The following MTTP variants were observed in gnomAD, a reference collection of about 807,000 sequenced individuals.
MTTP encodes the protein microsomal triglyceride transfer protein.
A neutral mutation model predicts 90.6 loss-of-function variants in MTTP; 49 were observed. The observed-to-expected ratio is 0.54, with a 90% CI of 0.43 to 0.69. The LOEUF is 0.69. MTTP is among the 30% of genes least tolerant of loss of function. The pLI, the probability that MTTP is intolerant of heterozygous loss-of-function variation, is 0.00. For missense variants in MTTP, 945 were observed against 1,067.5 expected, an observed-to-expected ratio of 0.89 and a Z score of 1.60; for synonymous variants, 347 against 384.2, an observed-to-expected ratio of 0.90 and a Z score of 1.13.
At chr4:99,594,162 A>C (rs1578242840) in intron 6 of MTTP, among the ~76,000 whole-genome samples, 1 of 152,306 alleles carries the variant, frequency 6.6e-6, no homozygotes. Context: ...TGTGCCAGAG[A>C]AAAGCTGAAT....
Position 99,597,225 on chromosome 4 carries a change from G to A in MTTP, c.1067+1G>A. The A allele has an allele frequency of 1.9e-6, 3 of 1,612,880 alleles. No individual in the cohort carries two copies. The highest frequency in any genetic ancestry group is 2.5e-6 in the Non-Finnish European group (3 of 1,179,648). ...TAAAGATGGAAAATAAGGAAGTATT[G>A]TAAGTTCCCCAACCTTTGTGTGGGG... On this transcript the variant is annotated splice_donor_variant, in intron 8 of 17. Transcript: ENST00000265517. LOFTEE classifies it high-confidence loss of function.
chr4:99,597,522 A>G (rs768589714), intron 8 of MTTP, among the ~76,000 whole-genome samples: 5 of 152,194 alleles, frequency 3.3e-5, no homozygotes, highest in Non-Finnish European at 2.9e-5. Context: ...TCGTCGTGAC[A>G]TCGTGGGGCA....
At chr4:99,605,869 A>ATGTG (rs111417359) in intron 10 of MTTP, among the ~76,000 whole-genome samples, 34,694 of 149,168 alleles carry the variant, frequency 0.23, 4,173 homozygotes, top group South Asian at 0.26. Flanking sequence ...AACCCCATGT[A>ATGTG]TGTGTGTGTG....
intron 1 of MTTP, 48 bp from the exon 2 acceptor site, chr4:99,581,857 A>T: frequency 6.3e-7 from 1 of 1,588,224 alleles, no homozygotes; most frequent in Non-Finnish European, 8.6e-7. Context: ...GTGAGACAGC[A>T]TGTTCCCTTA....
At chr4:99,572,261 TCTAA>T (rs575660124), upstream of MTTP, among the ~76,000 whole-genome samples, 25 of 152,178 alleles carry the variant, frequency 1.6e-4, no homozygotes, top group South Asian at 4.3e-3. Context: ...TTGATTTTGA[TCTAA>T]CTATCATAGA....
intron 1 of MTTP, among the ~76,000 whole-genome samples, chr4:99,580,749 T>C (rs1274439235): frequency 6.6e-6 from 1 of 152,142 alleles, no homozygotes; most frequent in African/African-American, 2.4e-5. Context: ...TTAATACATG[T>C]AACATGCAGA....
intron 9 of MTTP, 70 bp from the exon 10 acceptor site, chr4:99,601,537 T>G: frequency 8.4e-7 from 1 of 1,194,984 alleles, no homozygotes; most frequent in Non-Finnish European, 1.2e-6. Context: ...TGTTTATTTT[T>G]TAACTAAAAG....
intron 8 of MTTP, among the ~76,000 whole-genome samples, chr4:99,599,025 A>G (rs1725632218): frequency 6.6e-6 from 1 of 152,170 alleles, no homozygotes. Flanking sequence ...AATAGGGATA[A>G]TAATTCTTTC....
chr4:99,565,003 C>T (rs895938621), intron 1 of MTTP, among the ~76,000 whole-genome samples: 1 of 152,206 alleles, frequency 6.6e-6, no homozygotes, highest in African/African-American at 2.4e-5. Flanking sequence ...CATCTCAAAC[C>T]TAAAAGATCT....
intron 10 of MTTP, 27 bp from the exon 11 acceptor site, chr4:99,606,721 A>G (rs571255685): frequency 6.2e-7 from 1 of 1,605,444 alleles, no homozygotes; most frequent in South Asian, 1.1e-5. Context: ...ATGGTCATGC[A>G]TATATCTAAG....
chr4:99,618,592 A>T (rs1726154836), intron 15 of MTTP, among the ~76,000 whole-genome samples: 1 of 152,192 alleles, frequency 6.6e-6, no homozygotes, highest in African/African-American at 2.4e-5. Context: ...CAGAGTTTCT[A>T]ATTTAGTAGG....
chr4:99,598,344 C>T (rs1725608497), intron 8 of MTTP, among the ~76,000 whole-genome samples: 1 of 151,998 alleles, frequency 6.6e-6, no homozygotes, highest in African/African-American at 2.4e-5. Flanking sequence ...TCTCAAAGTA[C>T]ATAGGCATTG....
Position 99,590,842 on chromosome 4 carries a change from C to T in MTTP, c.502-393C>T, listed in dbSNP as rs957493823. 3.8e-3 allele frequency among the ~76,000 whole-genome samples: 336 copies of T among 89,172 alleles called. 1 individual carries two copies. Among genetic ancestry groups the T allele is most frequent in the African/African-American group, 0.017 (316 of 18,546 alleles). 58.5% of individuals were successfully genotyped at this position (89,172 alleles called of 152,430 possible). On this transcript the variant is annotated intron_variant, in intron 4 of 17. Transcript: ENST00000265517. ...ATGTTCAGCTAGTTGAAGTTACACACACACACACACACACACACACACCAC... is the reference window on the plus strand; with the variant it reads ...ATGTTCAGCTAGTTGAAGTTACACATACACACACACACACACACACACCAC...
At chr4:99,615,972 G>A (rs888830975) in intron 15 of MTTP, among the ~76,000 whole-genome samples, 12 of 152,092 alleles carry the variant, frequency 7.9e-5, no homozygotes, top group Non-Finnish European at 1.5e-4. Context: ...GCCAAACAAG[G>A]ACATAAACCT....
chr4:99,584,451 A>G (rs1436563625), intron 3 of MTTP, among the ~76,000 whole-genome samples: 2 of 152,180 alleles, frequency 1.3e-5, no homozygotes, highest in African/African-American at 4.8e-5. Context: ...ATTTGAAAAC[A>G]AATACTTTGG....
intron 17 of MTTP, 38 bp downstream of exon 17, chr4:99,621,269 C>A (rs13306570): frequency 5.6e-6 from 9 of 1,603,514 alleles, no homozygotes; most frequent in African/African-American, 2.7e-5. Flanking sequence ...CAGGACCATC[C>A]CCAGTGCACC....
chr4:99,566,594 G>A (rs145501144), intron 1 of MTTP, among the ~76,000 whole-genome samples: 1 of 152,260 alleles, frequency 6.6e-6, no homozygotes, highest in African/African-American at 2.4e-5. Context: ...TTCCAGGAGA[G>A]AATATGGGCT....
chr4:99,584,474 T>C (rs1231626734), intron 3 of MTTP, among the ~76,000 whole-genome samples: 4 of 152,144 alleles, frequency 2.6e-5, no homozygotes, highest in Non-Finnish European at 5.9e-5. Context: ...ATTTCATATA[T>C]GTATATTGCT....
chr4:99,597,241 T>C lies in MTTP; in HGVS notation c.1067+17T>C, dbSNP rs757932961. 1.9e-6 allele frequency: 3 copies of C among 1,610,714 alleles called. No homozygotes were observed. The highest frequency in any genetic ancestry group is 2.5e-6 in the Non-Finnish European group (3 of 1,179,118). On this transcript the variant is annotated intron_variant, in intron 8 of 17. Transcript: ENST00000265517. The stretch of plus-strand genomic sequence containing the variant: ...GGAAGTATTGTAAGTTCCCCAACCT[T>C]TGTGTGGGGTTGTCTGTCAGAAACA...
Sources: gnomAD v4.1 joint callset for allele counts (sites outside exome capture counted in the v4.1 genomes callset) on GRCh38, gnomAD v4.1.1 for gene constraint, MANE v1.5 for transcripts, NCBI Gene and HGNC (gene_info 2026-07-23, HGNC 2026-07-21) for gene names.